RNF144A: variants seen among roughly 807,000 people sequenced by gnomAD.
RNF144A encodes E3 ubiquitin-protein ligase RNF144A.
In RNF144A, 11 loss-of-function variants were observed where a neutral mutation model predicts 38.7. That is an observed-to-expected ratio of 0.28 (90% CI 0.18 to 0.47). The LOEUF (loss-of-function observed/expected upper bound fraction) is 0.47, where lower values mean the gene tolerates loss of function less well. Ranked by LOEUF, RNF144A falls within the 20% of genes least tolerant of loss-of-function variation. RNF144A has a pLI of 0.99. For synonymous variants in RNF144A, 149 were observed against 143.9 expected (o/e 1.04, Z -0.25); for missense variants, 316 against 377.2 (o/e 0.84, Z 1.34).
chr2:6,953,549 A>G (rs574481907), intron 2 of RNF144A, among the ~76,000 whole-genome samples: 19 of 152,308 alleles, frequency 1.2e-4, no homozygotes, highest in African/African-American at 4.3e-4. Flanking sequence ...ATAACCCATG[A>G]GTTACTGATA....
chr2:6,961,247 C>G (rs1667314533), intron 2 of RNF144A, among the ~76,000 whole-genome samples: 1 of 151,976 alleles, frequency 6.6e-6, no homozygotes, highest in Non-Finnish European at 1.5e-5. Context: ...GCTTCATAGG[C>G]ATTTAACATG....
intron 8 of RNF144A, among the ~76,000 whole-genome samples, chr2:7,033,645 C>T (rs1672469636): frequency 6.6e-6 from 1 of 152,232 alleles, no homozygotes; most frequent in Non-Finnish European, 1.5e-5. Flanking sequence ...CCAGGTGTGA[C>T]CTCCTCCGTG....
intron 2 of RNF144A, among the ~76,000 whole-genome samples, chr2:6,991,061 C>T (rs891486455): frequency 1.3e-5 from 2 of 152,126 alleles, no homozygotes; most frequent in East Asian, 1.9e-4. Context: ...CTGGATATAC[C>T]ATAGTTTACC....
chr2:6,985,424 T>C (rs1391812901), intron 2 of RNF144A, among the ~76,000 whole-genome samples: 2 of 152,118 alleles, frequency 1.3e-5, no homozygotes, highest in Non-Finnish European at 2.9e-5. Flanking sequence ...GAATAGTATT[T>C]AGAACTTCCT....
At chr2:6,999,444 G>A (rs947648999) in intron 3 of RNF144A, among the ~76,000 whole-genome samples, 1 of 152,120 alleles carries the variant, frequency 6.6e-6, no homozygotes, top group Admixed American at 6.5e-5. Flanking sequence ...GTCCTTTTTT[G>A]GGGGGTGCAG....
intron 2 of RNF144A, among the ~76,000 whole-genome samples, chr2:6,988,009 C>T (rs1029157644): frequency 3.3e-5 from 5 of 152,138 alleles, no homozygotes; most frequent in Admixed American, 3.3e-4. Flanking sequence ...GTTTAAAATG[C>T]TGAAAAATAA....
At chr2:7,021,088 A>G (rs1478886327) in intron 6 of RNF144A, among the ~76,000 whole-genome samples, 1 of 152,118 alleles carries the variant, frequency 6.6e-6, no homozygotes, top group Non-Finnish European at 1.5e-5. Context: ...CTGGTCATAA[A>G]TACTGTCTGG....
intron 2 of RNF144A, among the ~76,000 whole-genome samples, chr2:6,955,592 T>G (rs975185476): frequency 6.6e-6 from 1 of 152,170 alleles, no homozygotes; most frequent in East Asian, 1.9e-4. Context: ...TGCATTTTCT[T>G]TCTTAATTAT....
At chr2:6,989,532 A>G (rs922635663) in intron 2 of RNF144A, among the ~76,000 whole-genome samples, 1 of 152,112 alleles carries the variant, frequency 6.6e-6, no homozygotes, top group African/African-American at 2.4e-5. Context: ...ACCCGCTTTT[A>G]ATACAGGTGG....
In RNF144A at chr2:7,014,516, A is replaced by G; in HGVS notation, c.198A>G (p.Pro66=). The change falls in exon 4 of 9, where the codon CCA becomes CCG. Residue 66 remains proline (P), a synonymous_variant. Coordinates refer to ENST00000320892, the MANE Select transcript of RNF144A (RefSeq NM_014746.6). The part of the protein sequence containing the change: ...KEGLETAISC[P]DAACPKQGHL... ...GATTAGAAACCGCAATTAGCTGCCC[A>G]GATGCTGCCTGCCCTAAACAGGGCC... The G allele has an allele frequency of 6.2e-7, 1 of 1,610,252 alleles. No individual in the cohort carries two copies. The highest frequency in any genetic ancestry group is 8.5e-7 in the Non-Finnish European group (1 of 1,178,576).
intron 2 of RNF144A, chr2:6,978,512 C>T (rs1378370297): frequency 6.6e-6 from 1 of 152,256 alleles, no homozygotes; most frequent in Non-Finnish European, 1.5e-5. Context: ...TCCACACAGA[C>T]TTGTGTTATT....
downstream of RNF144A, among the ~76,000 whole-genome samples, chr2:7,069,963 T>C (rs114893880): frequency 0.016 from 2,420 of 152,346 alleles, 66 homozygotes; most frequent in African/African-American, 0.055. Context: ...TTTGCGTGCA[T>C]GGAAGTGCTA....
chr2:7,024,812 G>A (rs1671775332), intron 7 of RNF144A, among the ~76,000 whole-genome samples: 2 of 152,206 alleles, frequency 1.3e-5, no homozygotes. Flanking sequence ...AGCGGGGACT[G>A]TCATTGTCAG....
At chr2:7,051,186 G>C (rs1215963179) in intron 6 of RNF144A, among the ~76,000 whole-genome samples, 1 of 152,202 alleles carries the variant, frequency 6.6e-6, no homozygotes, top group African/African-American at 2.4e-5. Flanking sequence ...GATGGAGAGA[G>C]CAGGGGGTTG....
chr2:6,966,189 G>A (rs754145135), intron 2 of RNF144A, among the ~76,000 whole-genome samples: 1 of 152,218 alleles, frequency 6.6e-6, no homozygotes, highest in Non-Finnish European at 1.5e-5. Context: ...TCCAAATGTT[G>A]GATGTTTTCA....
downstream of RNF144A, among the ~76,000 whole-genome samples, chr2:7,071,504 T>C (rs867278693): frequency 1.3e-5 from 2 of 152,256 alleles, no homozygotes; most frequent in Admixed American, 6.5e-5. Flanking sequence ...TGACTTGGCC[T>C]GAGTTATTTA....
intron 7 of RNF144A, among the ~76,000 whole-genome samples, chr2:7,029,510 A>G (rs1339858072): frequency 6.6e-6 from 1 of 152,226 alleles, no homozygotes; most frequent in East Asian, 1.9e-4. Flanking sequence ...GGATGGTCTG[A>G]GAAGATGCAG....
chr2:6,929,775 G>A (rs550098122), intron 1 of RNF144A, among the ~76,000 whole-genome samples: 1 of 152,106 alleles, frequency 6.6e-6, no homozygotes, highest in African/African-American at 2.4e-5. Context: ...ATTTAGTTAC[G>A]ATATAACTAC....
At chr2:6,978,213 G>A (rs1047316037) in intron 2 of RNF144A, among the ~76,000 whole-genome samples, 2 of 152,190 alleles carry the variant, frequency 1.3e-5, no homozygotes, top group Non-Finnish European at 2.9e-5. Flanking sequence ...TGTGTCAGAG[G>A]CCTATGATGG....
Sources: gnomAD v4.1 joint callset for allele counts (sites outside exome capture counted in the v4.1 genomes callset) on GRCh38, gnomAD v4.1.1 for gene constraint, MANE v1.5 for transcripts, NCBI Gene and HGNC (gene_info 2026-07-23, HGNC 2026-07-21) for gene names.